Variants in RYR2 observed in about 807,000 individuals in gnomAD.
The protein encoded by RYR2 is ryanodine receptor 2.
In RYR2, 227 loss-of-function variants were observed where a neutral mutation model predicts 601.1. The observed-to-expected ratio is 0.38, with a 90% CI of 0.34 to 0.42. The LOEUF (loss-of-function observed/expected upper bound fraction) is 0.42. Ranked by LOEUF, RYR2 falls within the 10% of genes least tolerant of loss-of-function variation. The probability of loss-of-function intolerance (pLI) is 1.00; values close to 1 mark genes in which losing one functional copy is unlikely to be tolerated. For missense variants in RYR2, 4,646 were observed against 6,156.5 expected (o/e 0.75, Z 8.21); for synonymous variants, 2,223 against 2,175.1 (o/e 1.02, Z -0.61).
intron 1 of RYR2, among the ~76,000 whole-genome samples, chr1:237,098,387 A>ATGTGTG (rs937631817): frequency 0.019 from 879 of 47,364 alleles, 10 homozygotes; most frequent in African/African-American, 0.038. Context: ...CATTGTGTGT[A>ATGTGTG]TGTGTGTGTG....
intron 1 of RYR2, among the ~76,000 whole-genome samples, chr1:237,128,940 G>A (rs962893229): frequency 2.0e-5 from 3 of 152,012 alleles, no homozygotes; most frequent in African/African-American, 2.4e-5. Flanking sequence ...TAGCCTAAGC[G>A]ATTTGAAGGA....
intron 17 of RYR2, among the ~76,000 whole-genome samples, chr1:237,489,582 G>A (rs1433383643): frequency 2.0e-5 from 3 of 152,116 alleles, no homozygotes; most frequent in South Asian, 2.1e-4. Context: ...GCTTGAACCC[G>A]GGTGGTAGAG....
chr1:237,166,404 G>A (rs1368019885), intron 1 of RYR2, among the ~76,000 whole-genome samples: 13 of 152,172 alleles, frequency 8.5e-5, no homozygotes, highest in African/African-American at 3.1e-4. Flanking sequence ...TTGTACACAT[G>A]GATGGATCTT....
At chr1:237,755,607 TTTATG>T (rs149413219) in intron 80 of RYR2, among the ~76,000 whole-genome samples, 85 of 152,348 alleles carry the variant, frequency 5.6e-4, no homozygotes, top group African/African-American at 2.0e-3. Flanking sequence ...TATTTTCTTC[TTTATG>T]TTTTCAGTGG....
chr1:237,652,672 GT>G (rs1159468305), intron 51 of RYR2, among the ~76,000 whole-genome samples: 6 of 151,972 alleles, frequency 3.9e-5, no homozygotes, highest in East Asian at 1.9e-4. Flanking sequence ...CTATTTTTAT[GT>G]TTTTTTGTCA....
In RYR2 at chr1:237,336,065, C is replaced by G. The variant is rs189941949; in HGVS notation, c.273+5083C>G. Among the ~76,000 whole-genome samples the G allele has an allele frequency of 3.4e-3, 515 of 151,976 alleles. 5 individuals carry two copies. The highest frequency in any genetic ancestry group is 5.3e-3 in the Non-Finnish European group (361 of 67,976). ...TTTGTCATCAATGAGTTTACAACTG[C>G]AGGGATAGAAAAACAATTATAGTAT... On this transcript the variant is annotated intron_variant, in intron 3 of 104. Coordinates refer to ENST00000366574, the MANE Select transcript of RYR2 (RefSeq NM_001035.3).
intron 27 of RYR2, among the ~76,000 whole-genome samples, chr1:237,559,204 A>G (rs1671208346): frequency 6.6e-6 from 1 of 152,106 alleles, no homozygotes; most frequent in Admixed American, 6.6e-5. Flanking sequence ...AAGGCTGGCC[A>G]AAATCCAGGG....
At chr1:237,809,334 G>A (rs1206879043) in intron 100 of RYR2, among the ~76,000 whole-genome samples, 1 of 152,126 alleles carries the variant, frequency 6.6e-6, no homozygotes, top group Admixed American at 6.5e-5. Context: ...CAGGACAACG[G>A]GTAAAACTAT....
At chr1:237,136,883 G>A (rs538791746) in intron 1 of RYR2, among the ~76,000 whole-genome samples, 8 of 151,976 alleles carry the variant, frequency 5.3e-5, no homozygotes, top group East Asian at 3.9e-4. Context: ...TGGGCATGGC[G>A]GCGAGTACCT....
chr1:237,631,910 G>A (rs902942248), intron 42 of RYR2, among the ~76,000 whole-genome samples: 10 of 151,910 alleles, frequency 6.6e-5, no homozygotes, highest in African/African-American at 9.7e-5. Context: ...TGGGATTACA[G>A]GCGTGAGCCA....
At chr1:237,532,733 G>A (rs1406379317) in intron 25 of RYR2, among the ~76,000 whole-genome samples, 1 of 152,098 alleles carries the variant, frequency 6.6e-6, no homozygotes, top group Non-Finnish European at 1.5e-5. Context: ...CAAATGCTAT[G>A]CGTGAGTGTG....
intron 44 of RYR2, among the ~76,000 whole-genome samples, chr1:237,635,316 A>G (rs1015845787): frequency 2.6e-5 from 4 of 152,202 alleles, no homozygotes; most frequent in African/African-American, 9.6e-5. Context: ...ACATTTTTCT[A>G]TGGAAGGAGA....
At chr1:237,096,162 C>T (rs76070660) in intron 1 of RYR2, among the ~76,000 whole-genome samples, 2,735 of 152,168 alleles carry the variant, frequency 0.018, 40 homozygotes, top group Non-Finnish European at 0.028. Flanking sequence ...TGGACAGTGT[C>T]GTCCTTCAAC....
At chr1:237,103,387 A>C (rs1668331602) in intron 1 of RYR2, among the ~76,000 whole-genome samples, 1 of 152,174 alleles carries the variant, frequency 6.6e-6, no homozygotes, top group Admixed American at 6.5e-5. Context: ...TAGCACAACC[A>C]ATCCTCCTGT....
chr1:237,760,547 G>A (rs2149275410), intron 83 of RYR2, among the ~76,000 whole-genome samples: 1 of 152,106 alleles, frequency 6.6e-6, no homozygotes, highest in Non-Finnish European at 1.5e-5. Flanking sequence ...TAACTCATTT[G>A]CGGTAATCGT....
chr1:237,188,479 T>C (rs1336578033), intron 1 of RYR2, among the ~76,000 whole-genome samples: 2 of 152,180 alleles, frequency 1.3e-5, no homozygotes, highest in Non-Finnish European at 2.9e-5. Flanking sequence ...ATCTAACAAT[T>C]TGGATGATTA....
chr1:237,587,063 T>A (rs1044664699), intron 29 of RYR2, among the ~76,000 whole-genome samples: 4 of 152,142 alleles, frequency 2.6e-5, no homozygotes, highest in African/African-American at 9.7e-5. Flanking sequence ...CACGAGCACG[T>A]TTTGCCCTGG....
chr1:237,505,023 C>T (rs1665073610), intron 22 of RYR2, among the ~76,000 whole-genome samples: 1 of 152,290 alleles, frequency 6.6e-6, no homozygotes, highest in South Asian at 2.1e-4. Flanking sequence ...CTTCTCATTT[C>T]CTTCTTCGAT....
At chr1:237,667,102 C>T (rs557708465) in intron 57 of RYR2, among the ~76,000 whole-genome samples, 5 of 152,186 alleles carry the variant, frequency 3.3e-5, no homozygotes, top group Non-Finnish European at 5.9e-5. Context: ...CATTTGCTTG[C>T]TCCATTCATA....
Sources: gnomAD v4.1 joint callset for allele counts (sites outside exome capture counted in the v4.1 genomes callset) on GRCh38, gnomAD v4.1.1 for gene constraint, MANE v1.5 for transcripts, NCBI Gene and HGNC (gene_info 2026-07-23, HGNC 2026-07-21) for gene names.